IGF2BP2: variants seen among roughly 807,000 people sequenced by gnomAD.
IGF2BP2 encodes insulin like growth factor 2 mRNA binding protein 2.
Under a neutral mutation model 75.8 loss-of-function variants are expected in IGF2BP2, and 17 were observed. The observed-to-expected ratio is 0.22, with a 90% confidence interval of 0.15 to 0.34. The LOEUF (loss-of-function observed/expected upper bound fraction) is 0.34. IGF2BP2 is among the 10% of genes least tolerant of loss of function. The pLI, the probability that IGF2BP2 is intolerant of heterozygous loss-of-function variation, is 1.00. For missense variants in IGF2BP2, 516 were observed against 772.4 expected, an observed-to-expected ratio of 0.67 and a Z score of 3.93; for synonymous variants, 288 against 295.6, an observed-to-expected ratio of 0.97 and a Z score of 0.26.
At chr3:185,650,735 G>A (rs1714458931) in intron 13 of IGF2BP2, among the ~76,000 whole-genome samples, 1 of 151,838 alleles carries the variant, frequency 6.6e-6, no homozygotes, top group African/African-American at 2.4e-5. Flanking sequence ...AGTATGTTGT[G>A]CAATCATCAC....
intron 10 of IGF2BP2, among the ~76,000 whole-genome samples, chr3:185,667,260 T>TATA (rs770929928): frequency 0.063 from 9,656 of 152,302 alleles, 419 homozygotes; most frequent in Middle Eastern, 0.14. Context: ...TCAAGATAAA[T>TATA]TCTCCATGAA....
chr3:185,669,919 C>T (rs1354720843), intron 10 of IGF2BP2, among the ~76,000 whole-genome samples: 1 of 152,204 alleles, frequency 6.6e-6, no homozygotes, highest in African/African-American at 2.4e-5. Context: ...TGTGGACTCT[C>T]CAGGTATCAC....
At position 185,736,511 on chromosome 3, in the gene IGF2BP2, A is replaced by T. The variant is rs1007374227; in HGVS notation, c.240-38164T>A. 3.9e-5 allele frequency among the ~76,000 whole-genome samples: 6 copies of T among 152,132 alleles called. No individual in the cohort carries two copies. In the East Asian group the frequency reaches 1.2e-3, roughly 29 times the overall value. On this transcript the variant is annotated intron_variant, in intron 2 of 15. Transcript: ENST00000382199. ...CTTGGGGACATGGCTTCACACACAC[A>T]ATATGTGCACCATCATTCCCTACCC...
intron 10 of IGF2BP2, among the ~76,000 whole-genome samples, chr3:185,664,015 A>G (rs1237858050): frequency 1.3e-5 from 2 of 152,232 alleles, no homozygotes; most frequent in East Asian, 1.9e-4. Flanking sequence ...CACCAGGGAC[A>G]TGGGCCTTAG....
chr3:185,799,022 C>T (rs570859907), intron 2 of IGF2BP2, among the ~76,000 whole-genome samples: 15 of 151,862 alleles, frequency 9.9e-5, no homozygotes, highest in East Asian at 3.9e-4. Flanking sequence ...GTGATCTTCC[C>T]GCCTCAGCCT....
intron 2 of IGF2BP2, among the ~76,000 whole-genome samples, chr3:185,757,630 A>C (rs922189354): frequency 6.6e-6 from 1 of 151,810 alleles, no homozygotes. Flanking sequence ...ACTTCTGGCT[A>C]ATTTTTGTAT....
chr3:185,657,247 G>T, intron 12 of IGF2BP2, 39 bp downstream of exon 12: 1 of 1,389,736 alleles, frequency 7.2e-7, no homozygotes, highest in Non-Finnish European at 1.0e-6. Flanking sequence ...ATGAGAGGAG[G>T]TGGTAGAAGG....
intron 9 of IGF2BP2, 52 bp from the exon 10 acceptor site, chr3:185,672,721 G>T: frequency 6.2e-7 from 1 of 1,605,186 alleles, no homozygotes; most frequent in Non-Finnish European, 8.5e-7. Context: ...AGAGAGGCCC[G>T]CACGCCTGGG....
intron 12 of IGF2BP2, among the ~76,000 whole-genome samples, chr3:185,652,959 C>T (rs2149068896): frequency 6.6e-6 from 1 of 152,286 alleles, no homozygotes. Flanking sequence ...CTACAGGTAT[C>T]TGCCACCACA....
At chr3:185,713,346 A>C (rs1367322649) in intron 2 of IGF2BP2, 3 of 505,862 alleles carry the variant, frequency 5.9e-6, no homozygotes, top group Non-Finnish European at 1.2e-5. Flanking sequence ...ACATTTTTAA[A>C]ATAATATGCT....
chr3:185,746,108 AAAAG>A (rs1345403258), intron 2 of IGF2BP2, among the ~76,000 whole-genome samples: 1 of 152,224 alleles, frequency 6.6e-6, no homozygotes, highest in Admixed American at 6.5e-5. Flanking sequence ...AAAGCTACTG[AAAAG>A]AAACAAAAAT....
chr3:185,681,951 C>A (rs898638101), intron 7 of IGF2BP2, among the ~76,000 whole-genome samples: 1 of 152,178 alleles, frequency 6.6e-6, no homozygotes, highest in South Asian at 2.1e-4. Flanking sequence ...CTAAAACTAT[C>A]AAACTCCTAA....
intron 2 of IGF2BP2, among the ~76,000 whole-genome samples, chr3:185,752,592 A>G (rs968020184): frequency 6.6e-6 from 1 of 151,980 alleles, no homozygotes; most frequent in African/African-American, 2.4e-5. Flanking sequence ...GCATAATTTT[A>G]AACTTTTTTT....
chr3:185,722,102 C>CTTTT, intron 2 of IGF2BP2: 1 of 260,768 alleles, frequency 3.8e-6, no homozygotes. Flanking sequence ...TTTTTTTTTT[C>CTTTT]TTTTTTTTTT....
intron 2 of IGF2BP2, among the ~76,000 whole-genome samples, chr3:185,763,547 T>C (rs1411682620): frequency 6.6e-6 from 1 of 152,238 alleles, no homozygotes; most frequent in Non-Finnish European, 1.5e-5. Flanking sequence ...TTGGAATGCA[T>C]ATTATGTGAA....
intron 2 of IGF2BP2, among the ~76,000 whole-genome samples, chr3:185,701,793 T>C (rs1464456144): frequency 6.6e-6 from 1 of 152,076 alleles, no homozygotes; most frequent in East Asian, 1.9e-4. Context: ...GAAATGGAGA[T>C]CACTACGGTA....
At chr3:185,767,998 G>C (rs916412712) in intron 2 of IGF2BP2, 1 of 152,132 alleles carries the variant, frequency 6.6e-6, no homozygotes, top group South Asian at 2.1e-4. Context: ...TCTGAAATGT[G>C]GACAATTACC....
chr3:185,685,800 TCTAA>T (rs1721040704), intron 7 of IGF2BP2, among the ~76,000 whole-genome samples: 1 of 152,148 alleles, frequency 6.6e-6, no homozygotes, highest in South Asian at 2.1e-4. Flanking sequence ...CACCACCATG[TCTAA>T]CTAATTTTTT....
At chr3:185,659,519 CA>C (rs879853595) in intron 10 of IGF2BP2, among the ~76,000 whole-genome samples, 10 of 151,816 alleles carry the variant, frequency 6.6e-5, no homozygotes, top group Non-Finnish European at 1.2e-4. Context: ...GGATTACAGG[CA>C]CCCCCCACCA....
Sources: allele counts gnomAD v4.1 joint callset (sites outside exome capture counted in the v4.1 genomes callset), GRCh38; gene constraint gnomAD v4.1.1; transcripts MANE v1.5; gene names NCBI Gene and HGNC (gene_info 2026-07-23, HGNC 2026-07-21).